The following UBASH3B variants were observed in gnomAD, a reference collection of about 807,000 sequenced individuals.
UBASH3B encodes the protein ubiquitin-associated and SH3 domain-containing protein B.
A neutral mutation model predicts 83.4 loss-of-function variants in UBASH3B; 37 were observed. That is an observed-to-expected ratio of 0.44 (90% CI 0.34 to 0.58). The LOEUF (loss-of-function observed/expected upper bound fraction) is 0.58. UBASH3B is among the 20% of genes least tolerant of loss of function. The pLI is 0.01. For synonymous variants in UBASH3B, 304 were observed against 318.3 expected (o/e 0.96, Z 0.48); for missense variants, 657 against 827.2 (o/e 0.79, Z 2.52).
At chr11:122,673,375 G>A (rs182702697) in intron 1 of UBASH3B, among the ~76,000 whole-genome samples, 8 of 152,316 alleles carry the variant, frequency 5.3e-5, no homozygotes, top group East Asian at 1.9e-4. Flanking sequence ...AGGGCTGGGC[G>A]CGGTGGCTCA....
At chr11:122,689,158 T>G (rs1219366934) in intron 1 of UBASH3B, among the ~76,000 whole-genome samples, 1 of 152,212 alleles carries the variant, frequency 6.6e-6, no homozygotes, top group Admixed American at 6.5e-5. Flanking sequence ...AAGTAACGTA[T>G]GTTTATTGTG....
intron 1 of UBASH3B, among the ~76,000 whole-genome samples, chr11:122,676,847 C>A (rs112533112): frequency 7.9e-4 from 121 of 152,206 alleles, no homozygotes; most frequent in Middle Eastern, 3.2e-3. Flanking sequence ...CTTTGCCTCC[C>A]GCCCCCAGGC....
At chr11:122,699,726 G>T (rs1407567511) in intron 1 of UBASH3B, among the ~76,000 whole-genome samples, 1 of 152,004 alleles carries the variant, frequency 6.6e-6, no homozygotes, top group Admixed American at 6.6e-5. Context: ...AGGACTAGAG[G>T]CAAATGCCAT....
chr11:122,698,876 G>A (rs996814137), intron 1 of UBASH3B, among the ~76,000 whole-genome samples: 2 of 152,188 alleles, frequency 1.3e-5, no homozygotes, highest in African/African-American at 4.8e-5. Context: ...TTGAGATGGA[G>A]TTTTGCTCTT....
At chr11:122,763,138 A>G (rs1860473876) in intron 1 of UBASH3B, among the ~76,000 whole-genome samples, 1 of 152,154 alleles carries the variant, frequency 6.6e-6, no homozygotes, top group African/African-American at 2.4e-5. Context: ...CCCCTGTGCA[A>G]AAACTCATTG....
At chr11:122,662,010 T>G (rs756130086) in intron 1 of UBASH3B, among the ~76,000 whole-genome samples, 11 of 151,200 alleles carry the variant, frequency 7.3e-5, no homozygotes, top group Non-Finnish European at 1.3e-4. Flanking sequence ...AGGTGTCAAG[T>G]GATTCTCCTG....
chr11:122,737,785 AG>A (rs55641838), intron 1 of UBASH3B, among the ~76,000 whole-genome samples: 50,292 of 151,946 alleles, frequency 0.33, 10,042 homozygotes, highest in Middle Eastern at 0.49. Context: ...AGTAAGGAAT[AG>A]GTCAGGACGC....
chr11:122,692,137 A>C (rs778818387), intron 1 of UBASH3B, among the ~76,000 whole-genome samples: 4 of 152,270 alleles, frequency 2.6e-5, no homozygotes, highest in Middle Eastern at 3.4e-3. Flanking sequence ...CAATAGAAGT[A>C]CCTACCTCAC....
At chr11:122,684,900 T>C (rs982990765) in intron 1 of UBASH3B, among the ~76,000 whole-genome samples, 1 of 152,046 alleles carries the variant, frequency 6.6e-6, no homozygotes, top group South Asian at 2.1e-4. Flanking sequence ...GCCCAGCCTG[T>C]GGTTATTTTT....
At chr11:122,709,512 G>A (rs958015430) in intron 1 of UBASH3B, 6 of 152,188 alleles carry the variant, frequency 3.9e-5, no homozygotes, top group African/African-American at 1.4e-4. Flanking sequence ...AGAAGGGGAT[G>A]GGGAACATGT....
At chr11:122,698,717 A>G (rs1863994673) in intron 1 of UBASH3B, among the ~76,000 whole-genome samples, 1 of 152,102 alleles carries the variant, frequency 6.6e-6, no homozygotes, top group African/African-American at 2.4e-5. Flanking sequence ...CAGCCCCCAC[A>G]TTCCATCCAC....
chr11:122,711,159 GC>G (rs963375041), intron 1 of UBASH3B, among the ~76,000 whole-genome samples: 2 of 152,164 alleles, frequency 1.3e-5, no homozygotes, highest in African/African-American at 4.8e-5. Context: ...CCAGAAGAGA[GC>G]CCCCACCCTT....
chr11:122,803,640 A>G (rs2135186859), intron 11 of UBASH3B, among the ~76,000 whole-genome samples: 1 of 152,284 alleles, frequency 6.6e-6, no homozygotes, highest in Non-Finnish European at 1.5e-5. Flanking sequence ...GCTTCAGAAC[A>G]GAGCCCTGAC....
intron 1 of UBASH3B, among the ~76,000 whole-genome samples, chr11:122,749,204 A>G (rs1235138057): frequency 6.6e-6 from 1 of 152,222 alleles, no homozygotes; most frequent in African/African-American, 2.4e-5. Flanking sequence ...TGAATCATGT[A>G]CTGCATGTCT....
intron 5 of UBASH3B, 112 bp downstream of exon 5, chr11:122,783,334 C>T (rs548863541): frequency 1.7e-5 from 22 of 1,292,520 alleles, no homozygotes; most frequent in African/African-American, 3.0e-5. Flanking sequence ...GAGCAAGCAC[C>T]TAACAGAGAG....
chr11:122,665,993 C>T (rs1346807785), intron 1 of UBASH3B, among the ~76,000 whole-genome samples: 1 of 152,222 alleles, frequency 6.6e-6, no homozygotes, highest in African/African-American at 2.4e-5. Flanking sequence ...CATAAAGCAA[C>T]TGTGGCAGTG....
At chr11:122,702,889 TA>T (rs1864061839) in intron 1 of UBASH3B, among the ~76,000 whole-genome samples, 1 of 152,172 alleles carries the variant, frequency 6.6e-6, no homozygotes, top group African/African-American at 2.4e-5. Flanking sequence ...CTAACATCAT[TA>T]AATGAAGGAG....
chr11:122,748,681 A>G (rs933791342), intron 1 of UBASH3B, among the ~76,000 whole-genome samples: 1 of 152,172 alleles, frequency 6.6e-6, no homozygotes, highest in Non-Finnish European at 1.5e-5. Flanking sequence ...AACAAGACAC[A>G]AGAGCTCTGT....
chr11:122,756,193 A>G (rs1351592263), intron 1 of UBASH3B, among the ~76,000 whole-genome samples: 1 of 152,358 alleles, frequency 6.6e-6, no homozygotes, highest in East Asian at 1.9e-4. Context: ...CTTGACAACC[A>G]TGGAGAGTTA....
Sources: gnomAD v4.1 joint callset for allele counts (sites outside exome capture counted in the v4.1 genomes callset) on GRCh38, gnomAD v4.1.1 for gene constraint, MANE v1.5 for transcripts, NCBI Gene and HGNC (gene_info 2026-07-23, HGNC 2026-07-21) for gene names.